The following PFKP variants were observed in gnomAD, a reference collection of about 807,000 sequenced individuals.
PFKP encodes ATP-dependent 6-phosphofructokinase, platelet type.
A neutral mutation model predicts 94.3 loss-of-function variants in PFKP; 101 were observed. That is an observed-to-expected ratio of 1.07 (90% CI 0.91 to 1.26). The LOEUF (loss-of-function observed/expected upper bound fraction) is 1.26. Ranked by LOEUF, PFKP falls within the 50% of genes most tolerant of loss-of-function variation. The pLI is 0.00. For synonymous variants in PFKP, 573 were observed against 432.6 expected (o/e 1.32, Z -4.03); for missense variants, 1,145 against 1,103.3 (o/e 1.04, Z -0.53).
chr10:3,104,411 A>G (rs1835340128), intron 5 of PFKP, among the ~76,000 whole-genome samples: 1 of 152,196 alleles, frequency 6.6e-6, no homozygotes, highest in Admixed American at 6.5e-5. Flanking sequence ...CGCACCGTAC[A>G]ATTTCTGAAG....
At chr10:3,105,314 G>C (rs1431596831) in intron 6 of PFKP, 79 bp from the exon 7 acceptor site, 5 of 1,352,914 alleles carry the variant, frequency 3.7e-6, no homozygotes, top group Non-Finnish European at 5.3e-6. Flanking sequence ...CTGCACGTCT[G>C]TCGCTGAGCG....
At chr10:3,110,496 A>G (rs989595746) in intron 10 of PFKP, among the ~76,000 whole-genome samples, 2 of 150,892 alleles carry the variant, frequency 1.3e-5, no homozygotes, top group African/African-American at 4.9e-5. Context: ...GATTACAGGC[A>G]TGAGCCACCA....
chr10:3,132,235 C>T, intron 17 of PFKP, 145 bp from the exon 18 acceptor site: 1 of 627,756 alleles, frequency 1.6e-6, no homozygotes, highest in Non-Finnish European at 3.0e-6. Flanking sequence ...GAGGAGGCTC[C>T]CCAAGACCCA....
chr10:3,079,274 G>A lies in PFKP; in HGVS notation c.113-3114G>A, dbSNP rs556350133. 2.7e-3 allele frequency among the ~76,000 whole-genome samples: 403 copies of A among 151,172 alleles called. 3 individuals carry two copies. The highest frequency in any genetic ancestry group is 8.9e-3 in the African/African-American group (368 of 41,148). On this transcript the variant is annotated intron_variant, in intron 1 of 21. Coordinates refer to ENST00000381125, the MANE Select transcript of PFKP (RefSeq NM_002627.5). ...TTCTGAGACAGAGTCTCGCTCTGTC[G>A]CCCAGGCTGGAGTGCAGTGGCATGA... is the stretch of plus-strand genomic sequence containing the variant.
chr10:3,104,820 GGAGTGT>G, intron 5 of PFKP: 1 of 498,544 alleles, frequency 2.0e-6, no homozygotes, highest in South Asian at 2.4e-5. Flanking sequence ...ACGGGGCCGG[GGAGTGT>G]GAGTGTGTCC....
At chr10:3,132,789 C>T (rs78706092) in intron 18 of PFKP, among the ~76,000 whole-genome samples, 1,615 of 152,224 alleles carry the variant, frequency 0.011, 9 homozygotes, top group Middle Eastern at 0.041. Context: ...GGATAGTACC[C>T]GCCCCCTGTA....
intron 2 of PFKP, among the ~76,000 whole-genome samples, chr10:3,092,154 G>C (rs999933328): frequency 6.6e-6 from 1 of 152,130 alleles, no homozygotes; most frequent in African/African-American, 2.4e-5. Context: ...CATGGCCCCC[G>C]GTCAGCAGCC....
chr10:3,068,044 G>A (rs1831867105), intron 1 of PFKP, among the ~76,000 whole-genome samples: 1 of 152,156 alleles, frequency 6.6e-6, no homozygotes, highest in African/African-American at 2.4e-5. Context: ...CTTCGGTTTT[G>A]TTTTAAATGG....
intron 2 of PFKP, among the ~76,000 whole-genome samples, chr10:3,090,975 C>G (rs1834001437): frequency 6.6e-6 from 1 of 151,938 alleles, no homozygotes; most frequent in Non-Finnish European, 1.5e-5. Context: ...TTTGTTTTTT[C>G]CTTCAGTAGT....
chr10:3,130,662 C>T (rs1011493222), intron 17 of PFKP, among the ~76,000 whole-genome samples: 6 of 152,012 alleles, frequency 3.9e-5, no homozygotes, highest in African/African-American at 1.2e-4. Context: ...CAGGTTCAAG[C>T]GATTCACCTG....
At chr10:3,115,604 G>A (rs960584511) in intron 13 of PFKP, among the ~76,000 whole-genome samples, 5 of 152,230 alleles carry the variant, frequency 3.3e-5, no homozygotes, top group African/African-American at 1.2e-4. Flanking sequence ...GAAGGTGTGT[G>A]TCCCGTGGCC....
intron 19 of PFKP, among the ~76,000 whole-genome samples, chr10:3,134,264 G>A (rs2306312): frequency 0.72 from 109,477 of 152,158 alleles, 39,448 homozygotes; most frequent in East Asian, 0.74. Context: ...TGACTTGTTC[G>A]GTTTATTAAA....
intron 2 of PFKP, among the ~76,000 whole-genome samples, chr10:3,089,226 G>A (rs115175805): frequency 0.011 from 1,733 of 152,226 alleles, 33 homozygotes; most frequent in African/African-American, 0.039. Flanking sequence ...GAACCACCAC[G>A]CCCATATGCC....
At chr10:3,073,833 T>G (rs1162626105) in intron 1 of PFKP, among the ~76,000 whole-genome samples, 1 of 152,002 alleles carries the variant, frequency 6.6e-6, no homozygotes, top group African/African-American at 2.4e-5. Flanking sequence ...GTGTTTTTTT[T>G]GTTTGTTTGT....
At chr10:3,093,211 CTG>C (rs964274566) in intron 2 of PFKP, among the ~76,000 whole-genome samples, 5 of 151,584 alleles carry the variant, frequency 3.3e-5, no homozygotes, top group South Asian at 2.1e-4. Flanking sequence ...TTTTAAATCT[CTG>C]TCTCACCCCT....
In PFKP at chr10:3,101,390, G is replaced by T. The variant is rs148817530; in HGVS notation, c.290G>T (p.Arg97Leu). 6.3e-7 allele frequency: 1 copy of T among 1,597,036 alleles called. No homozygotes were observed. The highest frequency in any genetic ancestry group is 1.7e-5 in the Admixed American group (1 of 57,700). ...GGCGGGACGATCATTGGCAGTGCGC[G>T]GTGCCAGGCCTTCCGCACGCGGGAA... The part of the protein sequence containing the change: ...QVGGTIIGSA[R>L]CQAFRTREGR... Residue 97 changes from arginine to leucine, a missense_variant, in exon 4 of 22, where the codon CGG becomes CTG. Coordinates refer to ENST00000381125, the MANE Select transcript of PFKP (RefSeq NM_002627.5).
At chr10:3,109,241 G>T in intron 9 of PFKP, 114 bp from the exon 10 acceptor site, 1 of 1,374,764 alleles carries the variant, frequency 7.3e-7, no homozygotes, top group South Asian at 1.2e-5. Flanking sequence ...GGCTGGAAGC[G>T]GGAGGGGCTG....
intron 2 of PFKP, among the ~76,000 whole-genome samples, chr10:3,090,808 G>A (rs1213052496): frequency 6.6e-6 from 1 of 152,028 alleles, no homozygotes; most frequent in Non-Finnish European, 1.5e-5. Flanking sequence ...GACCTATTTG[G>A]GCTCAAATTG....
chr10:3,125,590 G>A (rs1216388975), intron 16 of PFKP, among the ~76,000 whole-genome samples: 1 of 150,402 alleles, frequency 6.6e-6, no homozygotes, highest in Non-Finnish European at 1.5e-5. Context: ...GAGCCTGCAG[G>A]AAGGGGTGTA....
Sources: allele counts gnomAD v4.1 joint callset (sites outside exome capture counted in the v4.1 genomes callset), GRCh38; gene constraint gnomAD v4.1.1; transcripts MANE v1.5; gene names NCBI Gene and HGNC (gene_info 2026-07-23, HGNC 2026-07-21).